Variants in IQGAP2 observed in about 807,000 individuals in gnomAD.
IQGAP2 encodes the protein IQ motif containing GTPase activating protein 2.
IQGAP2 carries 173 observed loss-of-function variants against 201.3 expected under a neutral mutation model. The ratio of observed to expected loss-of-function variants is 0.86; its 90% CI spans 0.76 to 0.98. IQGAP2 has a LOEUF of 0.98. IQGAP2 is among the 50% of genes least tolerant of loss of function. IQGAP2 has a pLI of 0.00. For synonymous variants in IQGAP2, 675 were observed against 673.9 expected (o/e 1.00, Z -0.03); for missense variants, 1,687 against 1,864.8 (o/e 0.90, Z 1.76).
chr5:76,605,771 C>T (rs1212859197), intron 11 of IQGAP2, among the ~76,000 whole-genome samples: 3 of 152,134 alleles, frequency 2.0e-5, no homozygotes, highest in East Asian at 1.9e-4. Flanking sequence ...GAAAAGGACA[C>T]TTGATGATAG....
intron 30 of IQGAP2, among the ~76,000 whole-genome samples, chr5:76,690,187 T>C (rs913796235): frequency 3.3e-5 from 5 of 152,106 alleles, no homozygotes; most frequent in African/African-American, 1.2e-4. Flanking sequence ...ATATTTGGAC[T>C]GGGGTGGGAA....
chr5:76,468,602 C>T (rs960025356), intron 2 of IQGAP2, among the ~76,000 whole-genome samples: 1 of 152,200 alleles, frequency 6.6e-6, no homozygotes, highest in Non-Finnish European at 1.5e-5. Context: ...TCATGAGTCT[C>T]TAGCCTCCTT....
At chr5:76,655,378 C>T (rs1401565247) in intron 20 of IQGAP2, among the ~76,000 whole-genome samples, 1 of 152,122 alleles carries the variant, frequency 6.6e-6, no homozygotes, top group Non-Finnish European at 1.5e-5. Context: ...AGTCTCATCT[C>T]CCAAAAATGA....
At chr5:76,588,058 G>GC (rs1746373909) in intron 5 of IQGAP2, among the ~76,000 whole-genome samples, 2 of 151,592 alleles carry the variant, frequency 1.3e-5, no homozygotes, top group Admixed American at 1.3e-4. Context: ...CATTAAAAAA[G>GC]CTTGATCTTG....
chr5:76,477,412 G>A (rs188262989), intron 2 of IQGAP2, among the ~76,000 whole-genome samples: 2 of 152,136 alleles, frequency 1.3e-5, no homozygotes, highest in African/African-American at 4.8e-5. Flanking sequence ...GCATGTTTTG[G>A]TAATAGTTAT....
intron 2 of IQGAP2, among the ~76,000 whole-genome samples, chr5:76,534,801 A>G (rs1023592288): frequency 6.6e-6 from 1 of 152,228 alleles, no homozygotes; most frequent in Admixed American, 6.5e-5. Context: ...CCACTGGGGA[A>G]GTAGCCCAAA....
Position 76,658,629 on chromosome 5 carries a change from A to G in IQGAP2, c.2491A>G (p.Lys831Glu). Residue 831 changes from lysine to glutamate, a missense_variant, in exon 21 of 36, where the codon AAG (lysine) becomes GAG (glutamate). Coordinates refer to ENST00000274364, the MANE Select transcript of IQGAP2 (RefSeq NM_006633.5). ...AAAAGACCTGAACCTGATGGACATCAAGATTGGACTGCTGGTGAAGAACAG... is the reference window on the plus strand; with the variant it reads ...AAAAGACCTGAACCTGATGGACATCGAGATTGGACTGCTGGTGAAGAACAG... ...LEKDLNLMDI[K>E]IGLLVKNRIT... 6.2e-7 allele frequency: 1 copy of G among 1,613,896 alleles called. No homozygotes were observed. Among genetic ancestry groups the G allele is most frequent in the South Asian group, 1.1e-5 (1 of 90,972 alleles).
intron 30 of IQGAP2, among the ~76,000 whole-genome samples, chr5:76,692,142 T>G (rs11749139): frequency 0.03 from 4,633 of 152,314 alleles, 90 homozygotes; most frequent in Middle Eastern, 0.058. Context: ...TTTTCTTTCT[T>G]TCTATCTATC....
chr5:76,609,436 G>A (rs979750340), intron 12 of IQGAP2, among the ~76,000 whole-genome samples: 1 of 152,120 alleles, frequency 6.6e-6, no homozygotes, highest in Non-Finnish European at 1.5e-5. Flanking sequence ...ACATATTTAA[G>A]TATTATAGTC....
At chr5:76,434,854 C>T (rs547333294) in intron 1 of IQGAP2, among the ~76,000 whole-genome samples, 2 of 134,020 alleles carry the variant, frequency 1.5e-5, no homozygotes, top group South Asian at 2.6e-4. Context: ...TCACCACATC[C>T]GTAACAACAT....
rs1040488245 is a variant in IQGAP2 at position 76,404,186 on chromosome 5, C to G, written c.46+595C>G. On this transcript the variant is annotated intron_variant, in intron 1 of 35. Transcript: ENST00000274364. ...CTGAAACCCCCCAACCCCTTTCCCC[C>G]CCGCTCCCCTCGCGCGGGAGGATTG... Among the ~76,000 whole-genome samples, 12 of 152,268 alleles carry G rather than the reference C, an allele frequency of 7.9e-5. No individual in the cohort carries two copies. In the East Asian group the frequency reaches 2.1e-3, roughly 27 times the overall value.
chr5:76,468,202 T>C (rs538175663), intron 2 of IQGAP2, among the ~76,000 whole-genome samples: 61 of 152,268 alleles, frequency 4.0e-4, no homozygotes, highest in African/African-American at 1.4e-3. Flanking sequence ...GATCAATTGG[T>C]ATTAGCAGAT....
intron 2 of IQGAP2, among the ~76,000 whole-genome samples, chr5:76,545,603 A>G (rs1191918532): frequency 6.6e-6 from 1 of 151,034 alleles, no homozygotes; most frequent in Admixed American, 6.6e-5. Flanking sequence ...TGCAAATGGT[A>G]TGGCTATCTC....
chr5:76,574,978 A>G (rs1580494407), intron 4 of IQGAP2, among the ~76,000 whole-genome samples: 1 of 152,346 alleles, frequency 6.6e-6, no homozygotes, highest in East Asian at 1.9e-4. Context: ...GGGATGGGAA[A>G]TAATTGTGTT....
rs147580181 is a variant in IQGAP2 at position 76,596,207 on chromosome 5, C to G, written c.908-1232C>G. ...TCTTGTCAAAAAGGGTTAGAAGAAT[C>G]TTAGCTGCAATCTAGTCACGAATTA... On this transcript the variant is annotated intron_variant, in intron 9 of 35. Coordinates refer to ENST00000274364, the MANE Select transcript of IQGAP2 (RefSeq NM_006633.5). 3.8e-3 allele frequency among the ~76,000 whole-genome samples: 578 copies of G among 152,258 alleles called. 8 individuals carry two copies. Among genetic ancestry groups the G allele is most frequent in the African/African-American group, 0.013 (542 of 41,542 alleles).
At chr5:76,464,646 T>C (rs1383276269) in intron 2 of IQGAP2, among the ~76,000 whole-genome samples, 1 of 152,238 alleles carries the variant, frequency 6.6e-6, no homozygotes, top group East Asian at 1.9e-4. Context: ...TTGAGAATTA[T>C]AATATTCCAG....
At chr5:76,527,617 A>G (rs1418731649) in intron 2 of IQGAP2, among the ~76,000 whole-genome samples, 7 of 152,250 alleles carry the variant, frequency 4.6e-5, no homozygotes, top group African/African-American at 1.7e-4. Flanking sequence ...GATGACGTCT[A>G]TAATTGTCGT....
intron 30 of IQGAP2, among the ~76,000 whole-genome samples, chr5:76,685,565 T>A (rs951180908): frequency 6.6e-6 from 1 of 152,158 alleles, no homozygotes; most frequent in Non-Finnish European, 1.5e-5. Context: ...TTCTAGGAAA[T>A]CACATTTAAA....
intron 1 of IQGAP2, among the ~76,000 whole-genome samples, chr5:76,455,002 G>T (rs1580227931): frequency 6.6e-6 from 1 of 152,130 alleles, no homozygotes; most frequent in Non-Finnish European, 1.5e-5. Context: ...GTGTGAGATG[G>T]TATCTCATTT....
Sources: allele counts gnomAD v4.1 joint callset (sites outside exome capture counted in the v4.1 genomes callset), GRCh38; gene constraint gnomAD v4.1.1; transcripts MANE v1.5; gene names NCBI Gene and HGNC (gene_info 2026-07-23, HGNC 2026-07-21).